MAPK10: variants seen among roughly 807,000 people sequenced by gnomAD.
The protein encoded by MAPK10 is mitogen-activated protein kinase 10.
In MAPK10, 25 loss-of-function variants were observed where a neutral mutation model predicts 59.3. The observed-to-expected ratio is 0.42, with a 90% CI of 0.31 to 0.59. The LOEUF is 0.59. MAPK10 is among the 20% of genes least tolerant of loss of function. The pLI is 0.15. For synonymous variants in MAPK10, 190 were observed against 200.5 expected, an observed-to-expected ratio of 0.95 and a Z score of 0.44; for missense variants, 351 against 568.9, an observed-to-expected ratio of 0.62 and a Z score of 3.90.
At chr4:86,242,203 G>A (rs1246639881) in intron 2 of MAPK10, among the ~76,000 whole-genome samples, 1 of 152,126 alleles carries the variant, frequency 6.6e-6, no homozygotes, top group Non-Finnish European at 1.5e-5. Flanking sequence ...GGAGGCTGGA[G>A]AACAGCAAAG....
intron 2 of MAPK10, among the ~76,000 whole-genome samples, chr4:86,338,607 T>C (rs1041231685): frequency 7.2e-5 from 11 of 152,228 alleles, no homozygotes; most frequent in African/African-American, 2.7e-4. Flanking sequence ...TACTATTTTA[T>C]AGACACATGT....
intron 1 of MAPK10, among the ~76,000 whole-genome samples, chr4:86,421,493 G>A (rs1283664854): frequency 6.6e-6 from 1 of 152,174 alleles, no homozygotes; most frequent in African/African-American, 2.4e-5. Flanking sequence ...AAGTGTCTTA[G>A]TGAGGATGAT....
intron 13 of MAPK10, chr4:86,028,046 T>C (rs937215046): frequency 2.0e-5 from 3 of 152,216 alleles, no homozygotes; most frequent in African/African-American, 7.2e-5. Flanking sequence ...TACATGACAA[T>C]ATGTTCTGGT....
intron 1 of MAPK10, among the ~76,000 whole-genome samples, chr4:86,485,925 C>A (rs1011466883): frequency 6.6e-6 from 1 of 152,196 alleles, no homozygotes; most frequent in Non-Finnish European, 1.5e-5. Flanking sequence ...CCTCCTGGCA[C>A]CTTTATTGTG....
chr4:86,464,422 C>T (rs1003285763), intron 1 of MAPK10, among the ~76,000 whole-genome samples: 4 of 152,210 alleles, frequency 2.6e-5, no homozygotes, highest in Non-Finnish European at 4.4e-5. Flanking sequence ...ATTCTTCACA[C>T]GTGGTTCATT....
intron 1 of MAPK10, among the ~76,000 whole-genome samples, chr4:86,394,909 T>C (rs1742713162): frequency 6.6e-6 from 1 of 152,164 alleles, no homozygotes; most frequent in South Asian, 2.1e-4. Flanking sequence ...CTGGCAAAAC[T>C]CAGCTGCTCT....
intron 9 of MAPK10, among the ~76,000 whole-genome samples, chr4:86,083,319 T>A (rs2051062300): frequency 6.6e-6 from 1 of 152,124 alleles, no homozygotes; most frequent in Non-Finnish European, 1.5e-5. Flanking sequence ...CAGGAGAAAC[T>A]GTCTTTAATT....
intron 4 of MAPK10, among the ~76,000 whole-genome samples, chr4:86,145,216 G>A (rs575982542): frequency 1.1e-5 from 1 of 91,940 alleles, no homozygotes; most frequent in Non-Finnish European, 2.1e-5. Context: ...TCTATCTCTA[G>A]CCGGGCGTGG....
intron 2 of MAPK10, among the ~76,000 whole-genome samples, chr4:86,210,691 C>A (rs186835548): frequency 4.0e-4 from 60 of 150,508 alleles, no homozygotes; most frequent in African/African-American, 1.4e-3. Context: ...AGTCACAAGT[C>A]ATACAAAAAA....
chr4:86,212,929 A>G (rs140727552), intron 2 of MAPK10, among the ~76,000 whole-genome samples: 1 of 152,296 alleles, frequency 6.6e-6, no homozygotes, highest in East Asian at 1.9e-4. Flanking sequence ...AACAATATAC[A>G]ATATTCTCAA....
At position 86,296,090 on chromosome 4, in the gene MAPK10, C is replaced by A. The variant is rs189248832; in HGVS notation, c.-7+58440G>T. Among the ~76,000 whole-genome samples the A allele has an allele frequency of 2.0e-5, 3 of 150,706 alleles. No individual in the cohort carries two copies. The South Asian group carries it at 6.3e-4, about 32-fold the overall frequency. ...ACTCGGGAGGCTGAGGCAGGAGAAT[C>A]GCTTGAACCCGGGAGGCGGAGGTTC... On this transcript the variant is annotated intron_variant, in intron 2 of 13. Transcript: ENST00000641462.
chr4:86,340,202 T>TAC (rs1554225908), intron 2 of MAPK10: 5 of 152,238 alleles, frequency 3.3e-5, no homozygotes, highest in Non-Finnish European at 7.3e-5. Flanking sequence ...GTTTTCAATA[T>TAC]ACAAAGGAGA....
chr4:86,251,145 TTTTTATTTTATTTTATTTTA>T (rs71657510), intron 2 of MAPK10, among the ~76,000 whole-genome samples: 7 of 151,312 alleles, frequency 4.6e-5, no homozygotes, highest in East Asian at 3.9e-4. Flanking sequence ...TAGAACATCG[TTTTTATTTTATTTTATTTTA>T]TTTTATTTTA....
At chr4:86,467,136 T>C (rs186900336) in intron 1 of MAPK10, among the ~76,000 whole-genome samples, 1 of 152,352 alleles carries the variant, frequency 6.6e-6, no homozygotes, top group East Asian at 1.9e-4. Context: ...AGATGATGGC[T>C]ACATTCAAAT....
intron 9 of MAPK10, among the ~76,000 whole-genome samples, chr4:86,075,299 AT>A (rs986112499): frequency 1.3e-5 from 2 of 151,586 alleles, no homozygotes; most frequent in African/African-American, 2.4e-5. Context: ...ATTCTTCTAA[AT>A]TTTTTTCAAA....
In MAPK10 at chr4:86,393,499, A is replaced by G. The variant is rs1742509710; in HGVS notation, c.-121-38855T>C. Among the ~76,000 whole-genome samples, 3 of 152,210 alleles carry G rather than the reference A, an allele frequency of 2.0e-5. 1 individual carries two copies. In the South Asian group the frequency reaches 6.2e-4, roughly 32 times the overall value. Reference sequence around the variant, plus strand: ...AATGTTTGTGATCAAAAATAAAGCAATGTTTCTAATGGAACCATTACCAGG... The same window carrying G: ...AATGTTTGTGATCAAAAATAAAGCAGTGTTTCTAATGGAACCATTACCAGG... On this transcript the variant is annotated intron_variant, in intron 1 of 13. Coordinates refer to the MAPK10 transcript ENST00000361569.
chr4:86,375,804 C>G (rs1739717709), intron 1 of MAPK10, among the ~76,000 whole-genome samples: 1 of 150,016 alleles, frequency 6.7e-6, no homozygotes, highest in Non-Finnish European at 1.5e-5. Flanking sequence ...AACACTCTCT[C>G]AATCAATAAA....
intron 2 of MAPK10, among the ~76,000 whole-genome samples, chr4:86,339,207 C>A (rs919023006): frequency 1.3e-5 from 2 of 152,106 alleles, no homozygotes; most frequent in Non-Finnish European, 2.9e-5. Flanking sequence ...TTCCTGGGGC[C>A]TCAGGCAGAG....
chr4:86,390,164 C>T (rs1742010315), intron 1 of MAPK10, among the ~76,000 whole-genome samples: 1 of 152,094 alleles, frequency 6.6e-6, no homozygotes, highest in South Asian at 2.1e-4. Flanking sequence ...AATTTTATTT[C>T]TCTCTTATTT....
Sources: gnomAD v4.1 joint callset for allele counts (sites outside exome capture counted in the v4.1 genomes callset) on GRCh38, gnomAD v4.1.1 for gene constraint, MANE v1.5 for transcripts, NCBI Gene and HGNC (gene_info 2026-07-23, HGNC 2026-07-21) for gene names.